The following CSMD1 variants were observed in gnomAD, a reference collection of about 807,000 sequenced individuals.
The protein encoded by CSMD1 is CUB and Sushi multiple domains 1.
Under a neutral mutation model 417.5 loss-of-function variants are expected in CSMD1, and 213 were observed. That is an observed-to-expected ratio of 0.51 (90% confidence interval 0.46 to 0.57). The LOEUF (loss-of-function observed/expected upper bound fraction) is 0.57, where lower values mean the gene tolerates loss of function less well. CSMD1 is among the 20% of genes least tolerant of loss of function. The pLI, the probability that CSMD1 is intolerant of heterozygous loss-of-function variation, is 0.00. For missense variants in CSMD1, 6,923 were observed against 4,529.7 expected (o/e 1.53, Z -15.17); for synonymous variants, 2,862 against 1,736.8 (o/e 1.65, Z -16.11).
At chr8:3,881,131 A>T (rs1469632431) in intron 5 of CSMD1, among the ~76,000 whole-genome samples, 2 of 152,202 alleles carry the variant, frequency 1.3e-5, no homozygotes, top group Non-Finnish European at 2.9e-5. Context: ...GATCTAAAAA[A>T]TGCAGATATG....
At chr8:3,381,676 T>A (rs113611554) in intron 18 of CSMD1, among the ~76,000 whole-genome samples, 2 of 152,188 alleles carry the variant, frequency 1.3e-5, no homozygotes, top group Non-Finnish European at 2.9e-5. Context: ...CAGACACATG[T>A]AGTTTATTTA....
chr8:3,453,384 G>GT (rs1815880455), intron 12 of CSMD1, among the ~76,000 whole-genome samples: 3 of 151,876 alleles, frequency 2.0e-5, no homozygotes, highest in Admixed American at 2.0e-4. Flanking sequence ...TGCTTCTCTG[G>GT]TTTTTTTAAT....
At chr8:4,852,315 T>C (rs752623927) in intron 1 of CSMD1, among the ~76,000 whole-genome samples, 1 of 152,172 alleles carries the variant, frequency 6.6e-6, no homozygotes, top group East Asian at 1.9e-4. Context: ...CATAGATGGC[T>C]TCCTGCTATC....
chr8:4,384,873 G>A (rs1228723432), intron 3 of CSMD1, among the ~76,000 whole-genome samples: 1 of 150,350 alleles, frequency 6.7e-6, no homozygotes, highest in African/African-American at 2.4e-5. Context: ...AAATACAACT[G>A]CTCTAATTTC....
At chr8:4,257,606 T>C (rs188953963) in intron 3 of CSMD1, among the ~76,000 whole-genome samples, 1 of 152,172 alleles carries the variant, frequency 6.6e-6, no homozygotes, top group East Asian at 1.9e-4. Flanking sequence ...ATAGGAAAAT[T>C]TGGTGAAAAG....
intron 10 of CSMD1, among the ~76,000 whole-genome samples, chr8:3,523,514 C>T (rs148773376): frequency 1.3e-5 from 2 of 152,092 alleles, no homozygotes; most frequent in Non-Finnish European, 2.9e-5. Flanking sequence ...GGTGATCTGA[C>T]GTGAAAATAT....
chr8:3,837,795 C>T (rs540698672), intron 5 of CSMD1, among the ~76,000 whole-genome samples: 47 of 152,200 alleles, frequency 3.1e-4, no homozygotes, highest in African/African-American at 8.9e-4. Flanking sequence ...CTGCACTATC[C>T]ACTGACAAAG....
chr8:3,800,554 T>A (rs1430587703), intron 5 of CSMD1, among the ~76,000 whole-genome samples: 1 of 152,132 alleles, frequency 6.6e-6, no homozygotes, highest in Non-Finnish European at 1.5e-5. Context: ...ATGCAATGGC[T>A]TGGATATGGT....
chr8:3,403,914 A>T (rs1264933942), intron 15 of CSMD1, among the ~76,000 whole-genome samples: 1 of 152,208 alleles, frequency 6.6e-6, no homozygotes, highest in Non-Finnish European at 1.5e-5. Context: ...ATGGAAATAC[A>T]TACAAATGAA....
chr8:3,695,238 T>G (rs534282679), intron 7 of CSMD1, among the ~76,000 whole-genome samples: 64 of 152,214 alleles, frequency 4.2e-4, no homozygotes, highest in African/African-American at 1.4e-3. Context: ...GCTGGAAGAC[T>G]TTGGAACATG....
At chr8:4,389,207 T>C (rs1351019264) in intron 3 of CSMD1, among the ~76,000 whole-genome samples, 1 of 152,054 alleles carries the variant, frequency 6.6e-6, no homozygotes, top group African/African-American at 2.4e-5. Context: ...CTGGAGGGAG[T>C]GGGCTACTTC....
chr8:4,006,823 A>ATTTTT lies in CSMD1; in HGVS notation c.611-8718_611-8714dup, dbSNP rs759780050. Among the ~76,000 whole-genome samples the ATTTTT allele has an allele frequency of 9.6e-3, 917 of 95,968 alleles. 59 individuals are homozygous for ATTTTT. Among genetic ancestry groups the ATTTTT allele is most frequent in the African/African-American group, 0.034 (813 of 24,104 alleles). The allele number at this position is 95,968 out of a possible 152,430, so 63.0% of individuals were successfully genotyped here. A position where few individuals can be genotyped will look rare whatever the true frequency, so the allele number is the denominator to read the frequency against. ...GCTGAGAGAATCCAGGACTTTTCCT[A>ATTTTT]TTTTTTTTTTTTTTTTTTTTTTGAG... On this transcript the variant is annotated intron_variant, in intron 4 of 69. Transcript: ENST00000635120.
At chr8:3,050,529 A>C (rs780980612) in intron 50 of CSMD1, among the ~76,000 whole-genome samples, 1 of 152,202 alleles carries the variant, frequency 6.6e-6, no homozygotes, top group Non-Finnish European at 1.5e-5. Flanking sequence ...CCATCTGTTA[A>C]GTTCCTATTT....
intron 26 of CSMD1, among the ~76,000 whole-genome samples, chr8:3,263,403 T>C (rs1054161990): frequency 1.3e-5 from 2 of 152,192 alleles, no homozygotes; most frequent in African/African-American, 2.4e-5. Flanking sequence ...CAGGCCTTGC[T>C]TCATCCACTG....
intron 26 of CSMD1, among the ~76,000 whole-genome samples, chr8:3,282,261 C>G (rs545748659): frequency 6.6e-6 from 1 of 151,946 alleles, no homozygotes; most frequent in Non-Finnish European, 1.5e-5. Context: ...AACAAATGGA[C>G]CACTCTGTGG....
At chr8:4,508,629 T>C (rs1050259752) in intron 2 of CSMD1, among the ~76,000 whole-genome samples, 1 of 152,116 alleles carries the variant, frequency 6.6e-6, no homozygotes, top group Non-Finnish European at 1.5e-5. Context: ...GGAAGATGTT[T>C]CCTCCTTACC....
At chr8:3,643,397 G>A (rs1585008238) in intron 7 of CSMD1, among the ~76,000 whole-genome samples, 1 of 152,202 alleles carries the variant, frequency 6.6e-6, no homozygotes, top group South Asian at 2.1e-4. Context: ...GTCCCTGAGT[G>A]CCTTATCAGA....
At chr8:4,826,449 G>A (rs1053379351) in intron 1 of CSMD1, among the ~76,000 whole-genome samples, 2 of 152,112 alleles carry the variant, frequency 1.3e-5, no homozygotes, top group South Asian at 2.1e-4. Flanking sequence ...AGTCACAGAA[G>A]CAGGGATATT....
chr8:3,456,295 C>G (rs1026864036), intron 12 of CSMD1, among the ~76,000 whole-genome samples: 3 of 152,146 alleles, frequency 2.0e-5, no homozygotes, highest in African/African-American at 2.4e-5. Context: ...TCAGCTCATG[C>G]TTTGTGTGCT....
Sources: gnomAD v4.1 joint callset for allele counts (sites outside exome capture counted in the v4.1 genomes callset) on GRCh38, gnomAD v4.1.1 for gene constraint, MANE v1.5 for transcripts, NCBI Gene and HGNC (gene_info 2026-07-23, HGNC 2026-07-21) for gene names.